The following USP13 variants were observed in gnomAD, a reference collection of about 807,000 sequenced individuals.
The protein encoded by USP13 is ubiquitin carboxyl-terminal hydrolase 13.
Under a neutral mutation model 107.8 loss-of-function variants are expected in USP13, and 68 were observed. That is an observed-to-expected ratio of 0.63 (90% CI 0.52 to 0.77). USP13 has a LOEUF of 0.77. Ranked by LOEUF, USP13 falls within the 30% of genes least tolerant of loss-of-function variation. The pLI, the probability that USP13 is intolerant of heterozygous loss-of-function variation, is 0.00. For synonymous variants in USP13, 377 were observed against 389.5 expected, an observed-to-expected ratio of 0.97 and a Z score of 0.38; for missense variants, 945 against 1,093.3, an observed-to-expected ratio of 0.86 and a Z score of 1.91.
chr3:179,656,637 A>G (rs1219872172), intron 1 of USP13, among the ~76,000 whole-genome samples: 1 of 152,132 alleles, frequency 6.6e-6, no homozygotes, highest in Non-Finnish European at 1.5e-5. Context: ...GGTTTGGTTC[A>G]TTGTGCAAGG....
At chr3:179,688,166 C>T (rs1230994059) in intron 2 of USP13, among the ~76,000 whole-genome samples, 11 of 136,134 alleles carry the variant, frequency 8.1e-5, no homozygotes, top group Admixed American at 5.1e-4. Flanking sequence ...TCCATCCATC[C>T]GTATATCCAT....
intron 1 of USP13, among the ~76,000 whole-genome samples, chr3:179,671,406 T>C (rs1016315858): frequency 6.6e-6 from 1 of 152,148 alleles, no homozygotes; most frequent in African/African-American, 2.4e-5. Flanking sequence ...AATGAATCTA[T>C]GTTCCTGAAG....
At chr3:179,741,738 A>G (rs1714209096) in intron 11 of USP13, among the ~76,000 whole-genome samples, 1 of 152,228 alleles carries the variant, frequency 6.6e-6, no homozygotes. Context: ...GCTCTTCTGT[A>G]AGCAGTGTTT....
rs1321781306 is a variant in USP13, at chr3:179,730,256, C to G, written c.1156C>G (p.Gln386Glu). The G allele has an allele frequency of 1.2e-6, 2 of 1,602,432 alleles. No homozygotes were observed. The highest frequency in any genetic ancestry group is 1.7e-6 in the Non-Finnish European group (2 of 1,177,586). Residue 386 changes from glutamine to glutamate, a missense_variant, in exon 9 of 21, where the codon CAG (glutamine) becomes GAG (glutamate). Coordinates refer to ENST00000263966, the MANE Select transcript of USP13 (RefSeq NM_003940.3). ...PLDPTQDFNT[Q>E]MTKLGHGLLS... Reference sequence around the variant, plus strand: ...AGATCCAACACAAGATTTCAACACACAGATGTAAGTGCCAGATTTGTATTT... The same window carrying G: ...AGATCCAACACAAGATTTCAACACAGAGATGTAAGTGCCAGATTTGTATTT...
chr3:179,690,440 C>T (rs1028904431), intron 3 of USP13, 139 bp downstream of exon 3: 77 of 711,518 alleles, frequency 1.1e-4, no homozygotes, highest in African/African-American at 4.3e-4. Context: ...ATTTAAGGCC[C>T]GCCTCCACTT....
At chr3:179,717,553 G>A (rs1713150404) in intron 6 of USP13, among the ~76,000 whole-genome samples, 2 of 152,118 alleles carry the variant, frequency 1.3e-5, no homozygotes, top group South Asian at 4.2e-4. Flanking sequence ...GTTCAATTCT[G>A]GCAGTTTTAT....
intron 19 of USP13, among the ~76,000 whole-genome samples, chr3:179,777,443 C>CTTTTTTTTT (rs11317182): frequency 4.4e-5 from 5 of 113,696 alleles, no homozygotes; most frequent in South Asian, 2.9e-4. Context: ...CTCTCTCTCT[C>CTTTTTTTTT]TTTTTTTTTT....
At chr3:179,702,700 G>GTTCA (rs1226049255) in intron 4 of USP13, among the ~76,000 whole-genome samples, 5 of 152,182 alleles carry the variant, frequency 3.3e-5, no homozygotes, top group African/African-American at 1.2e-4. Flanking sequence ...AGTGCACAGT[G>GTTCA]TTCAGTAGGG....
At chr3:179,701,275 C>A in intron 4 of USP13, 146 bp downstream of exon 4, 1 of 1,075,050 alleles carries the variant, frequency 9.3e-7, no homozygotes, top group Non-Finnish European at 1.3e-6. Flanking sequence ...CATGAACACG[C>A]ACATACCTCT....
intron 1 of USP13, among the ~76,000 whole-genome samples, chr3:179,663,453 A>G (rs1284184460): frequency 6.6e-6 from 1 of 151,990 alleles, no homozygotes; most frequent in African/African-American, 2.4e-5. Context: ...TGGCTATCTC[A>G]CTGTCTCTTT....
intron 8 of USP13, among the ~76,000 whole-genome samples, chr3:179,723,280 G>A (rs891978213): frequency 2.0e-5 from 3 of 152,078 alleles, no homozygotes; most frequent in Non-Finnish European, 4.4e-5. Flanking sequence ...AAAATTTATG[G>A]TGCATTTTCT....
intron 5 of USP13, among the ~76,000 whole-genome samples, chr3:179,707,365 C>T (rs1381147041): frequency 2.6e-5 from 4 of 152,030 alleles, no homozygotes; most frequent in East Asian, 1.9e-4. Context: ...TGCCAGTGCA[C>T]GGGACAGTCA....
At chr3:179,760,286 T>TC (rs1004424100) in intron 16 of USP13, among the ~76,000 whole-genome samples, 1 of 149,142 alleles carries the variant, frequency 6.7e-6, no homozygotes, top group African/African-American at 2.5e-5. Context: ...CTTAATGTTT[T>TC]TTTTTTTTTT....
intron 6 of USP13, among the ~76,000 whole-genome samples, chr3:179,719,318 T>C (rs1016086002): frequency 6.6e-6 from 1 of 152,018 alleles, no homozygotes; most frequent in Non-Finnish European, 1.5e-5. Flanking sequence ...AGGTGGGCCA[T>C]TAGGGAAGCG....
At chr3:179,777,212 G>C (rs1715574025) in intron 19 of USP13, among the ~76,000 whole-genome samples, 1 of 151,956 alleles carries the variant, frequency 6.6e-6, no homozygotes, top group Non-Finnish European at 1.5e-5. Flanking sequence ...TTTTGGGGGG[G>C]CTTTAGTGAC....
intron 8 of USP13, among the ~76,000 whole-genome samples, chr3:179,726,737 GT>G (rs1179504279): frequency 6.6e-6 from 1 of 151,686 alleles, no homozygotes; most frequent in Non-Finnish European, 1.5e-5. Flanking sequence ...AAGTGCAGTG[GT>G]ACAATCACGG....
chr3:179,658,664 C>T (rs556038595), intron 1 of USP13, among the ~76,000 whole-genome samples: 3 of 152,178 alleles, frequency 2.0e-5, no homozygotes, highest in African/African-American at 7.2e-5. Context: ...CTAAACCTCA[C>T]TGGGGACTCC....
In USP13 at chr3:179,740,333, TG is replaced by T; in HGVS notation, c.1342del (p.Ala448ProfsTer9). ...AATTCTCCTCTAACAGGCAGCAAGA[TG>T]CCCAGGAATTCTTCTTGCACCTGGT... ...PEFSSNRQQD[A>X]QEFFLHLVNL... On this transcript the variant is annotated frameshift_variant, in exon 11 of 21. Coordinates refer to ENST00000263966, the MANE Select transcript of USP13 (RefSeq NM_003940.3). LOFTEE classifies it high-confidence loss of function. 1 of 1,614,140 alleles carries T rather than the reference TG, an allele frequency of 6.2e-7. No individual in the cohort carries two copies. The highest frequency in any genetic ancestry group is 8.5e-7 in the Non-Finnish European group (1 of 1,180,022).
chr3:179,750,304 GTATATATATATATATA>G, intron 13 of USP13, among the ~76,000 whole-genome samples: 1 of 113,530 alleles, frequency 8.8e-6, no homozygotes, highest in East Asian at 3.0e-4. Context: ...ATATGTGTGT[GTATATATATATATATA>G]TGTGTGTATA....
Sources: gnomAD v4.1 joint callset for allele counts (sites outside exome capture counted in the v4.1 genomes callset) on GRCh38, gnomAD v4.1.1 for gene constraint, MANE v1.5 for transcripts, NCBI Gene and HGNC (gene_info 2026-07-23, HGNC 2026-07-21) for gene names.